The following GARIN5A variants were observed in gnomAD, a reference collection of about 807,000 sequenced individuals.
GARIN5A encodes the protein Golgi-associated RAB2 interactor protein 5A.
the GARIN5A span, chr19:50,467,489 C>T: frequency 9.6e-7 from 1 of 1,044,952 alleles, no homozygotes; most frequent in Non-Finnish European, 1.4e-6. Flanking sequence ...CTCTCTTAGA[C>T]CTGGGAGTCC....
the GARIN5A span, chr19:50,476,344 T>G: frequency 8.9e-5 from 141 of 1,580,462 alleles, 1 homozygote; most frequent in South Asian, 4.5e-4. Context: ...ATGACGTCCC[T>G]GGAGGGGGCG....
At chr19:50,472,096 A>ATACGTG in the GARIN5A span, among the ~76,000 whole-genome samples, 2 of 141,038 alleles carry the variant, frequency 1.4e-5, no homozygotes, top group South Asian at 2.1e-4. Context: ...GTATATGTAT[A>ATACGTG]TGTATATATA....
At chr19:50,474,130 C>A in the GARIN5A span, among the ~76,000 whole-genome samples, 1 of 151,970 alleles carries the variant, frequency 6.6e-6, no homozygotes, top group Non-Finnish European at 1.5e-5. Flanking sequence ...CTTGTTTTCT[C>A]GTTTGTTTGC....
the GARIN5A span, among the ~76,000 whole-genome samples, chr19:50,468,386 A>G: frequency 6.6e-6 from 1 of 150,868 alleles, no homozygotes; most frequent in Non-Finnish European, 1.5e-5. Flanking sequence ...AAAAAAAAAA[A>G]AATCCCATCT....
chr19:50,466,840 C>A, the GARIN5A span: 1 of 152,774 alleles, frequency 6.5e-6, no homozygotes, highest in South Asian at 2.1e-4. This position sits in a 1 kb window ranked among gnomAD's most constrained non-coding sequence, Gnocchi z 4.9. Flanking sequence ...TCTGCCCGGC[C>A]CTGAGGCAAG....
the GARIN5A span, chr19:50,476,248 G>A: frequency 6.2e-7 from 1 of 1,613,206 alleles, no homozygotes; most frequent in Non-Finnish European, 8.5e-7. Flanking sequence ...GAGGGAGAAA[G>A]CGAGGGGGCG....
chr19:50,476,385 C>G, the GARIN5A span: 1 of 1,556,954 alleles, frequency 6.4e-7, no homozygotes, highest in Admixed American at 1.9e-5. Context: ...AGGGGCGGCC[C>G]CATCCTGCTG....
At chr19:50,472,122 A>ATACGTGTGTATATGTATG in the GARIN5A span, among the ~76,000 whole-genome samples, 138 of 133,472 alleles carry the variant, frequency 1.0e-3, 43 homozygotes, top group African/African-American at 4.7e-3. Context: ...GTATATGTAT[A>ATACGTGTGTATATGTATG]TATACGTGTG....
At chr19:50,476,348 G>C in the GARIN5A span, 3 of 1,579,164 alleles carry the variant, frequency 1.9e-6, no homozygotes, top group Non-Finnish European at 2.6e-6. Flanking sequence ...CGTCCCTGGA[G>C]GGGGCGGCTC....
the GARIN5A span, among the ~76,000 whole-genome samples, chr19:50,472,058 GTGTGTATA>G: frequency 2.3e-5 from 3 of 133,090 alleles, no homozygotes; most frequent in East Asian, 2.2e-4. Flanking sequence ...ATATATACGT[GTGTGTATA>G]TGTGTATATA....
At chr19:50,475,393 G>A in the GARIN5A span, 2 of 1,611,276 alleles carry the variant, frequency 1.2e-6, no homozygotes, top group Middle Eastern at 1.7e-4. Flanking sequence ...GGAGCTCCAG[G>A]GCTGGACTGG....
At chr19:50,471,665 T>TGTATACGCATACATGCACGTGTGC in the GARIN5A span, among the ~76,000 whole-genome samples, 23 of 124,490 alleles carry the variant, frequency 1.8e-4, no homozygotes, top group Admixed American at 1.0e-3. Context: ...TGCACGTGTG[T>TGTATACGCATACATGCACGTGTGC]GTATACGCAT....
chr19:50,476,658 G>T, the GARIN5A span: 2 of 1,520,074 alleles, frequency 1.3e-6, no homozygotes, highest in Non-Finnish European at 1.8e-6. Flanking sequence ...GTGCGCGAGG[G>T]GTGAGTGCTC....
At chr19:50,475,777 G>T in the GARIN5A span, 3 of 1,273,332 alleles carry the variant, frequency 2.4e-6, no homozygotes, top group Non-Finnish European at 3.4e-6. Context: ...TCCAAGTCAG[G>T]AGGAGGTCGA....
the GARIN5A span, among the ~76,000 whole-genome samples, chr19:50,472,264 T>G: frequency 1.8e-5 from 2 of 114,078 alleles, no homozygotes; most frequent in Non-Finnish European, 3.4e-5. Flanking sequence ...TGTATGTGTG[T>G]ATATATGTAT....
chr19:50,473,337 C>T, the GARIN5A span, among the ~76,000 whole-genome samples: 1 of 151,960 alleles, frequency 6.6e-6, no homozygotes, highest in Non-Finnish European at 1.5e-5. Context: ...TTCTTCTTTT[C>T]TCTGTCTTCT....
At chr19:50,470,535 T>C in the GARIN5A span, among the ~76,000 whole-genome samples, 1 of 151,068 alleles carries the variant, frequency 6.6e-6, no homozygotes, top group Non-Finnish European at 1.5e-5. Flanking sequence ...AGAGTCCAAT[T>C]GTGCAAATAT....
chr19:50,475,780 G>A, the GARIN5A span: 5 of 1,296,852 alleles, frequency 3.9e-6, 1 homozygote, highest in South Asian at 3.6e-5. Context: ...AAGTCAGGAG[G>A]AGGTCGAGGG....
At chr19:50,476,711 C>T in the GARIN5A span, 2 of 1,185,204 alleles carry the variant, frequency 1.7e-6, no homozygotes, top group Non-Finnish European at 1.1e-6. Flanking sequence ...TGTCGCAGGT[C>T]TTGGGTCTTT....
Sources: gnomAD v4.1 joint callset for allele counts (sites outside exome capture counted in the v4.1 genomes callset) on GRCh38, gnomAD v4.1.1 for gene constraint, Gnocchi (gnomAD v3.1) non-coding constraint, MANE v1.5 for transcripts, NCBI Gene and HGNC (gene_info 2026-07-23, HGNC 2026-07-21) for gene names.